The following VPS4B variants were observed in gnomAD, a reference collection of about 807,000 sequenced individuals.
The protein encoded by VPS4B is vacuolar protein sorting 4 homolog B.
In VPS4B, 23 loss-of-function variants were observed where a neutral mutation model predicts 56.1. The ratio of observed to expected loss-of-function variants is 0.41; its 90% CI spans 0.30 to 0.58. VPS4B has a LOEUF of 0.58. Ranked by LOEUF, VPS4B falls within the 20% of genes least tolerant of loss-of-function variation. The probability of loss-of-function intolerance (pLI) is 0.29; values close to 1 mark genes in which losing one functional copy is unlikely to be tolerated. For synonymous variants in VPS4B, 177 were observed against 186.0 expected (o/e 0.95, Z 0.39); for missense variants, 372 against 531.9 (o/e 0.70, Z 2.96).
chr18:63,422,202 C>A (rs984741148), intron 1 of VPS4B, 31 bp downstream of exon 1: 6 of 1,493,550 alleles, frequency 4.0e-6, no homozygotes, highest in Non-Finnish European at 5.4e-6. Context: ...GATCCCAGCT[C>A]CCTAGGGGGA....
At chr18:63,420,777 C>T (rs535888361) in intron 1 of VPS4B, among the ~76,000 whole-genome samples, 4 of 152,170 alleles carry the variant, frequency 2.6e-5, no homozygotes, top group East Asian at 1.9e-4. Flanking sequence ...CGGTGACTCA[C>T]GCCTGTAATC....
At chr18:63,406,064 T>C (rs1400497282) in intron 4 of VPS4B, among the ~76,000 whole-genome samples, 3 of 151,844 alleles carry the variant, frequency 2.0e-5, no homozygotes, top group Non-Finnish European at 4.4e-5. Context: ...TGGGGCAGGG[T>C]AGGGAGAGGG....
At chr18:63,411,729 A>G (rs1314780637) in intron 1 of VPS4B, 151 bp from the exon 2 acceptor site, 1 of 467,184 alleles carries the variant, frequency 2.1e-6, no homozygotes, top group Non-Finnish European at 3.6e-6. Flanking sequence ...AATAAACAGT[A>G]ACTAAAAAAT....
chr18:63,408,622 T>C (rs1315082082), intron 3 of VPS4B, among the ~76,000 whole-genome samples: 1 of 152,214 alleles, frequency 6.6e-6, no homozygotes, highest in Non-Finnish European at 1.5e-5. Context: ...GAGGATTTAC[T>C]ACCTGCTCCC....
chr18:63,405,890 G>A (rs1022942635), intron 4 of VPS4B, among the ~76,000 whole-genome samples: 2 of 151,966 alleles, frequency 1.3e-5, no homozygotes, highest in Non-Finnish European at 2.9e-5. Flanking sequence ...GGAGGCTGAG[G>A]CAGGAGAATC....
Position 63,397,151 on chromosome 18 carries a change from G to C in VPS4B, c.975C>G (p.Asp325Glu), listed in dbSNP as rs747150958. ...GTTQNSLTEA[D>E]FRELGRKTDG... ...CTGTTTTCCTCCCAAGTTCCCGAAA[G>C]TCTGCTTCCGTGAGACTGTTCTGAG... The change falls in exon 9 of 11, where the codon GAC becomes GAG. Residue 325 changes from aspartate (D) to glutamate (E), a missense_variant. Around this residue, in one of 3 missense-constraint regions of VPS4B, gnomAD observed 153 missense variants for 190.9 expected, o/e 0.80. Transcript: ENST00000238497. 17 of 1,614,172 alleles carry C rather than the reference G, an allele frequency of 1.1e-5. No individual in the cohort carries two copies. Among genetic ancestry groups the C allele is most frequent in the Non-Finnish European group, 1.4e-5 (16 of 1,180,050 alleles).
At position 63,410,195 on chromosome 18, in the gene VPS4B, G is replaced by C. The variant is rs554249342; in HGVS notation, c.296+95C>G. Reference sequence around the variant, plus strand: ...AGGCAGCTGGGCAGCTTTGGCCCATGAGCCATAGTTTGCTGACACCTGTTT... The same window carrying C: ...AGGCAGCTGGGCAGCTTTGGCCCATCAGCCATAGTTTGCTGACACCTGTTT... On this transcript the variant is annotated intron_variant, in intron 3 of 10. Coordinates refer to ENST00000238497, the MANE Select transcript of VPS4B (RefSeq NM_004869.4). 11 of 1,514,430 alleles carry C rather than the reference G, an allele frequency of 7.3e-6. 1 individual carries two copies. Among genetic ancestry groups the C allele is most frequent in the African/African-American group, 6.9e-5 (5 of 71,944 alleles). 93.8% of individuals were successfully genotyped at this position (1,514,430 alleles called of 1,614,324 possible).
At chr18:63,421,690 C>T (rs1028809667) in intron 1 of VPS4B, among the ~76,000 whole-genome samples, 5 of 152,108 alleles carry the variant, frequency 3.3e-5, no homozygotes, top group African/African-American at 1.2e-4. Context: ...TAAGAATACT[C>T]CTCGATCTTA....
intron 3 of VPS4B, among the ~76,000 whole-genome samples, chr18:63,409,230 T>G (rs910255814): frequency 6.6e-6 from 1 of 152,206 alleles, no homozygotes; most frequent in Non-Finnish European, 1.5e-5. Flanking sequence ...AGCTTATCAT[T>G]TCCTTCAAAC....
At chr18:63,414,521 G>A (rs186376138) in intron 1 of VPS4B, among the ~76,000 whole-genome samples, 2 of 152,104 alleles carry the variant, frequency 1.3e-5, no homozygotes, top group East Asian at 1.9e-4. Flanking sequence ...TGCAATCTCT[G>A]CCTCCCAGGT....
At chr18:63,397,370 G>A in intron 8 of VPS4B, 117 bp from the exon 9 acceptor site, 1 of 917,098 alleles carries the variant, frequency 1.1e-6, no homozygotes, top group Non-Finnish European at 1.6e-6. Flanking sequence ...TATATATTTA[G>A]GTTAAAGGGA....
chr18:63,393,151 A>G (rs1335997654), intron 10 of VPS4B, among the ~76,000 whole-genome samples: 1 of 152,238 alleles, frequency 6.6e-6, no homozygotes, highest in Admixed American at 6.5e-5. Context: ...TTCTAGCTAT[A>G]AGACCTGTAA....
chr18:63,400,160 G>C lies in VPS4B; in HGVS notation c.678C>G (p.Asn226Lys). The change falls in exon 7 of 11, where the codon AAC becomes AAG. Residue 226 changes from asparagine to lysine, a missense_variant. Physicochemically the swap from Asn to Lys is moderately conservative, Grantham distance 94. Coordinates refer to ENST00000238497, the MANE Select transcript of VPS4B (RefSeq NM_004869.4). Reference sequence around the variant, plus strand: ...CATCAATGAAGATAATGGAGGGCTTGTTCTCTCTGGCAAGTTGGAATAAAT... The same window carrying C: ...CATCAATGAAGATAATGGAGGGCTTCTTCTCTCTGGCAAGTTGGAATAAAT... Reference protein sequence around the residue: ...VKNLFQLARENKPSIIFIDEI... With the variant: ...VKNLFQLAREKKPSIIFIDEI... 1 of 1,611,484 alleles carries C rather than the reference G, an allele frequency of 6.2e-7. No homozygotes were observed. The highest frequency in any genetic ancestry group is 8.5e-7 in the Non-Finnish European group (1 of 1,179,240).
At chr18:63,405,379 A>G (rs1371688310) in intron 4 of VPS4B, among the ~76,000 whole-genome samples, 4 of 152,176 alleles carry the variant, frequency 2.6e-5, no homozygotes, top group Non-Finnish European at 5.9e-5. Context: ...CATAATCTAA[A>G]ACAGAAGTAA....
At chr18:63,403,964 G>A (rs990376337) in intron 4 of VPS4B, 138 bp from the exon 5 acceptor site, 12 of 987,902 alleles carry the variant, frequency 1.2e-5, no homozygotes, top group South Asian at 3.9e-5. Context: ...TTGAAATAGC[G>A]TGAGCAGGAA....
At chr18:63,419,601 T>C (rs778447681) in intron 1 of VPS4B, among the ~76,000 whole-genome samples, 7 of 144,118 alleles carry the variant, frequency 4.9e-5, no homozygotes, top group Non-Finnish European at 9.3e-5. Context: ...GTAATAAAAG[T>C]GATGTGAATG....
At chr18:63,407,238 A>G (rs1220855092) in intron 4 of VPS4B, 194 bp downstream of exon 4, 1 of 540,804 alleles carries the variant, frequency 1.8e-6, no homozygotes, top group African/African-American at 1.9e-5. Context: ...TACATAAAAA[A>G]GACCAAACCA....
chr18:63,403,903 T>C, intron 4 of VPS4B, 77 bp from the exon 5 acceptor site: 1 of 1,480,810 alleles, frequency 6.8e-7, no homozygotes, highest in South Asian at 1.3e-5. Flanking sequence ...AATAATGATG[T>C]TAAAGAAACG....
chr18:63,419,251 C>T (rs1000794612), intron 1 of VPS4B, among the ~76,000 whole-genome samples: 6 of 152,130 alleles, frequency 3.9e-5, no homozygotes, highest in African/African-American at 1.2e-4. Flanking sequence ...AGCGAATCCC[C>T]GTCTCTACAA....
Sources: gnomAD v4.1 joint callset for allele counts (sites outside exome capture counted in the v4.1 genomes callset) on GRCh38, gnomAD v4.1.1 for gene constraint, gnomAD v4.1.1 regional missense constraint, MANE v1.5 for transcripts, NCBI Gene and HGNC (gene_info 2026-07-23, HGNC 2026-07-21) for gene names.